Variants in NUP210 observed in about 807,000 individuals in gnomAD.
The protein encoded by NUP210 is nuclear pore membrane glycoprotein 210.
In NUP210, 151 loss-of-function variants were observed where a neutral mutation model predicts 196.0. That is an observed-to-expected ratio of 0.77 (90% CI 0.67 to 0.88). The LOEUF (loss-of-function observed/expected upper bound fraction) is 0.88, where lower values mean the gene tolerates loss of function less well. Among genes scored for constraint, NUP210 ranks in the 40% least tolerant of loss-of-function variants. The pLI is 0.00. For synonymous variants in NUP210, 1,070 were observed against 1,052.7 expected (o/e 1.02, Z -0.32); for missense variants, 2,314 against 2,493.7 (o/e 0.93, Z 1.53).
At chr3:13,381,690 A>G (rs1277019017) in intron 6 of NUP210, among the ~76,000 whole-genome samples, 2 of 151,992 alleles carry the variant, frequency 1.3e-5, no homozygotes, top group African/African-American at 4.8e-5. Flanking sequence ...TGGGCCAACA[A>G]CAGAAAGGCG....
chr3:13,355,600 T>A (rs1445293847), intron 16 of NUP210, among the ~76,000 whole-genome samples: 1 of 152,228 alleles, frequency 6.6e-6, no homozygotes, highest in Non-Finnish European at 1.5e-5. Flanking sequence ...ACACCCCACC[T>A]GCACCATGAG....
chr3:13,351,404 G>A (rs533569011), intron 20 of NUP210, among the ~76,000 whole-genome samples: 74 of 152,318 alleles, frequency 4.9e-4, no homozygotes, highest in African/African-American at 1.7e-3. Context: ...AAATCACAAA[G>A]GTTTCATGAG....
At chr3:13,415,385 G>A (rs1445770706) in intron 1 of NUP210, among the ~76,000 whole-genome samples, 2 of 152,170 alleles carry the variant, frequency 1.3e-5, no homozygotes, top group Non-Finnish European at 2.9e-5. Flanking sequence ...GGGAGCTCTG[G>A]TTTCTCCACC....
At chr3:13,371,282 A>C (rs1698721181) in intron 13 of NUP210, among the ~76,000 whole-genome samples, 1 of 152,136 alleles carries the variant, frequency 6.6e-6, no homozygotes, top group Admixed American at 6.5e-5. Flanking sequence ...CAGTTTCTTC[A>C]TCTGTCACAT....
At position 13,317,555 on chromosome 3, in the gene NUP210, A is replaced by G. The variant is rs1403759452; in HGVS notation, c.*126T>C. 4.2e-6 allele frequency: 3 copies of G among 718,612 alleles called. No individual in the cohort carries two copies. In the African/African-American group the frequency reaches 5.2e-5, roughly 13 times the overall value. The allele number at this position is 718,612 out of a possible 1,614,324, so 44.5% of individuals were successfully genotyped here. A position where few individuals can be genotyped will look rare whatever the true frequency, so the allele number is the denominator to read the frequency against. On this transcript the variant is annotated 3_prime_UTR_variant, in exon 40 of 40. Coordinates refer to ENST00000254508, the MANE Select transcript of NUP210 (RefSeq NM_024923.4). ...AGCTCTGTGTGAAGAGACGGCAGTG[A>G]AGCTGGCCTGGGGCCGGGGCACTCA...
intron 36 of NUP210, 56 bp downstream of exon 36, chr3:13,321,529 G>A: frequency 6.3e-7 from 1 of 1,579,676 alleles, no homozygotes; most frequent in Non-Finnish European, 8.7e-7. Context: ...CTTCCTCCAG[G>A]GCCTTCCTGA....
rs1327716634 is a variant in NUP210, at chr3:13,319,989, A to T, written c.5167-10T>A. The T allele has an allele frequency of 2.5e-6, 4 of 1,612,552 alleles. No homozygotes were observed. The highest frequency in any genetic ancestry group is 1.3e-5 in the African/African-American group (1 of 74,918). ...GGGACCCGGATTTCACCTGGAAGAGACATCAGAGCTGGGGGTGCACATTCT... is the reference window on the plus strand; with the variant it reads ...GGGACCCGGATTTCACCTGGAAGAGTCATCAGAGCTGGGGGTGCACATTCT... On this transcript the variant is annotated splice_polypyrimidine_tract_variant and intron_variant, in intron 36 of 39. Transcript: ENST00000254508.
chr3:13,351,833 G>T, intron 20 of NUP210, 46 bp downstream of exon 20: 1 of 1,217,912 alleles, frequency 8.2e-7, no homozygotes, highest in Non-Finnish European at 1.2e-6. Context: ...CAACAGCCCA[G>T]ATAAGGAATG....
At chr3:13,377,425 C>A (rs754852545) in intron 9 of NUP210, 31 bp downstream of exon 9, 1 of 1,499,520 alleles carries the variant, frequency 6.7e-7, no homozygotes, top group East Asian at 2.3e-5. Flanking sequence ...CCCACCTCAT[C>A]CCCCCAGCCA....
chr3:13,391,898 G>A (rs1357273375), intron 3 of NUP210, among the ~76,000 whole-genome samples: 1 of 151,956 alleles, frequency 6.6e-6, no homozygotes, highest in Non-Finnish European at 1.5e-5. Context: ...CTGCCTGGGA[G>A]CCTTCTGATC....
At chr3:13,401,278 A>AAAAAAC in intron 1 of NUP210, among the ~76,000 whole-genome samples, 1 of 150,462 alleles carries the variant, frequency 6.6e-6, no homozygotes, top group Non-Finnish European at 1.5e-5. Context: ...AAAAAAAAAA[A>AAAAAAC]AAGGCAATGG....
intron 39 of NUP210, among the ~76,000 whole-genome samples, chr3:13,318,696 T>A (rs991876318): frequency 1.3e-5 from 2 of 152,180 alleles, no homozygotes; most frequent in African/African-American, 2.4e-5. Context: ...CCCATTCTTC[T>A]GGGAAATTTC....
chr3:13,386,191 T>C (rs996603831), intron 6 of NUP210, 84 bp downstream of exon 6: 1 of 1,475,302 alleles, frequency 6.8e-7, no homozygotes, highest in Non-Finnish European at 9.2e-7. Flanking sequence ...ATGGTTAAGA[T>C]GGTAAATTTT....
At chr3:13,341,681 C>G in intron 23 of NUP210, 67 bp downstream of exon 23, 1 of 1,567,350 alleles carries the variant, frequency 6.4e-7, no homozygotes, top group Non-Finnish European at 8.7e-7. Flanking sequence ...CTGGACTGTA[C>G]TATAAAGACA....
chr3:13,333,278 G>C (rs2124847127), intron 28 of NUP210, among the ~76,000 whole-genome samples: 1 of 152,330 alleles, frequency 6.6e-6, no homozygotes, highest in Middle Eastern at 3.4e-3. Flanking sequence ...ACCTGTGTAA[G>C]TCCCCTCTCT....
chr3:13,356,735 G>C (rs1427640907), intron 16 of NUP210, among the ~76,000 whole-genome samples: 1 of 152,362 alleles, frequency 6.6e-6, no homozygotes, highest in Admixed American at 6.5e-5. Flanking sequence ...CCTGAGCACT[G>C]ATGGATCACA....
chr3:13,386,517 G>A, intron 5 of NUP210, 110 bp from the exon 6 acceptor site: 1 of 1,355,528 alleles, frequency 7.4e-7, no homozygotes, highest in Admixed American at 2.1e-5. Flanking sequence ...GAAGTTAAGA[G>A]GAAAGAAACA....
At position 13,319,905 on chromosome 3, in the gene NUP210, G is replaced by A. The variant is rs895137340; in HGVS notation, c.5241C>T (p.Tyr1747=). The part of the protein sequence containing the change: ...KSFGWPSFIT[Y]TVGVLDPAAG... Reference sequence around the variant, plus strand: ...CCGCGGGGTCCAAGACGCCGACCGTGTATGTGATGAAGCTGGGCCACCCAA... The same window carrying A: ...CCGCGGGGTCCAAGACGCCGACCGTATATGTGATGAAGCTGGGCCACCCAA... Residue 1747 remains tyrosine (Y), a synonymous_variant, in exon 37 of 40, where the codon TAC becomes TAT. Transcript: ENST00000254508. 6.2e-7 allele frequency: 1 copy of A among 1,614,208 alleles called. No individual in the cohort carries two copies. Among genetic ancestry groups the A allele is most frequent in the Non-Finnish European group, 8.5e-7 (1 of 1,180,026 alleles).
At chr3:13,358,124 G>A in intron 16 of NUP210, 98 bp downstream of exon 16, 1 of 1,091,220 alleles carries the variant, frequency 9.2e-7, no homozygotes, top group Non-Finnish European at 1.3e-6. Context: ...GTGGAGCTAT[G>A]TCCGTTGCAA....
Sources: allele counts gnomAD v4.1 joint callset (sites outside exome capture counted in the v4.1 genomes callset), GRCh38; gene constraint gnomAD v4.1.1; transcripts MANE v1.5; gene names NCBI Gene and HGNC (gene_info 2026-07-23, HGNC 2026-07-21).